Variants in MAPRE2 observed in about 807,000 individuals in gnomAD.
MAPRE2 encodes microtubule-associated protein RP/EB family member 2.
A neutral mutation model predicts 43.2 loss-of-function variants in MAPRE2; 13 were observed. The observed-to-expected ratio is 0.30, with a 90% CI of 0.20 to 0.48. The LOEUF is 0.48. MAPRE2 is among the 20% of genes least tolerant of loss of function. The pLI is 0.99. For missense variants in MAPRE2, 161 were observed against 400.2 expected (o/e 0.40, Z 5.10); for synonymous variants, 135 against 148.8 (o/e 0.91, Z 0.68).
At chr18:35,007,496 CTG>C (rs946476121) in intron 2 of MAPRE2, among the ~76,000 whole-genome samples, 11 of 152,234 alleles carry the variant, frequency 7.2e-5, no homozygotes, top group Admixed American at 3.9e-4. Flanking sequence ...TCAGTCTAAA[CTG>C]TTCAACTCAT....
intron 2 of MAPRE2, among the ~76,000 whole-genome samples, chr18:35,023,908 A>C (rs2097043491): frequency 6.6e-6 from 1 of 152,170 alleles, no homozygotes. Flanking sequence ...TCAAAATATA[A>C]CCATTTTACT....
At position 35,085,075 on chromosome 18, in the gene MAPRE2, A is replaced by G. The variant is rs372597874; in HGVS notation, c.251-12371A>G. ...GATTTTTGTTAGATTAGAATGATAC[A>G]GTTGAACTTTGGGATTTTAAATTCC... On this transcript the variant is annotated intron_variant, in intron 2 of 6. Transcript: ENST00000300249. 8.5e-4 allele frequency among the ~76,000 whole-genome samples: 129 copies of G among 152,360 alleles called. 1 individual carries two copies. The South Asian group carries it at 0.026, about 30-fold the overall frequency.
intron 4 of MAPRE2, among the ~76,000 whole-genome samples, chr18:35,108,586 C>T (rs964082107): frequency 6.6e-6 from 1 of 152,140 alleles, no homozygotes; most frequent in South Asian, 2.1e-4. Flanking sequence ...ACATTCCCAC[C>T]AACAGTGTAA....
intron 2 of MAPRE2, among the ~76,000 whole-genome samples, chr18:35,026,944 T>G (rs993231034): frequency 6.6e-6 from 1 of 152,214 alleles, no homozygotes; most frequent in Non-Finnish European, 1.5e-5. Context: ...CTTTGAAAGA[T>G]CTTAAGCTTT....
chr18:35,107,096 A>G (rs573170556), intron 4 of MAPRE2, among the ~76,000 whole-genome samples: 2 of 152,336 alleles, frequency 1.3e-5, no homozygotes, highest in South Asian at 4.1e-4. Flanking sequence ...AAACGCCCAT[A>G]TATAAATATA....
intron 1 of MAPRE2, among the ~76,000 whole-genome samples, chr18:35,060,145 G>A (rs1207045088): frequency 6.6e-5 from 10 of 152,230 alleles, no homozygotes; most frequent in South Asian, 2.1e-4. Flanking sequence ...GGCCCTGCTC[G>A]TTGGGGGCAG....
chr18:35,115,829 CAT>C (rs1491302124), intron 4 of MAPRE2, among the ~76,000 whole-genome samples: 6 of 152,176 alleles, frequency 3.9e-5, no homozygotes, highest in South Asian at 2.1e-4. Context: ...CTGCTATAAA[CAT>C]GTGTGTGCAT....
chr18:35,016,666 G>T (rs1324029079), intron 2 of MAPRE2, among the ~76,000 whole-genome samples: 2 of 151,786 alleles, frequency 1.3e-5, no homozygotes, highest in Non-Finnish European at 2.9e-5. Flanking sequence ...TTTTTTGCTT[G>T]TTCCGTTGCT....
intron 1 of MAPRE2, among the ~76,000 whole-genome samples, chr18:34,981,406 A>G (rs553527552): frequency 6.6e-6 from 1 of 151,966 alleles, no homozygotes; most frequent in Admixed American, 6.6e-5. Context: ...TAATCGGATT[A>G]CTCCATATTA....
chr18:34,997,740 C>G (rs1043921365), intron 1 of MAPRE2, among the ~76,000 whole-genome samples: 1 of 152,182 alleles, frequency 6.6e-6, no homozygotes, highest in Non-Finnish European at 1.5e-5. Context: ...CTCTTGAACC[C>G]AGAAGGCTGA....
At chr18:34,981,143 C>A (rs557262808) in intron 1 of MAPRE2, among the ~76,000 whole-genome samples, 1 of 151,420 alleles carries the variant, frequency 6.6e-6, no homozygotes, top group African/African-American at 2.4e-5. Context: ...GAGGCCGAGG[C>A]GGGTGAATCA....
rs2097019614 is a variant in MAPRE2 at position 34,985,351 on chromosome 18, A to ATATATAATATAATATATAATATATTATAT, written c.-70+8278_-70+8279insATATAATATATAATATATTATATTATATA. ...AATATAATATATAATATATTATATT[A>ATATATAATATAATATATAATATATTATAT]TATATATAATATAATATATAATATA... On this transcript the variant is annotated intron_variant, in intron 1 of 7. Transcript: ENST00000413393. Among the ~76,000 whole-genome samples, 2 of 44,570 alleles carry ATATATAATATAATATATAATATATTATAT rather than the reference A, an allele frequency of 4.5e-5. 1 individual carries two copies. The highest frequency in any genetic ancestry group is 7.2e-5 in the Non-Finnish European group (2 of 27,804). 29.2% of individuals were successfully genotyped at this position (44,570 alleles called of 152,430 possible).
chr18:34,982,411 T>C (rs2097016892), intron 1 of MAPRE2, among the ~76,000 whole-genome samples: 1 of 152,126 alleles, frequency 6.6e-6, no homozygotes, highest in African/African-American at 2.4e-5. Context: ...CACTTGACTG[T>C]CTCCCTCAAA....
rs1434471243 is a variant in MAPRE2 at position 35,143,031 on chromosome 18, G to A, written c.*2662G>A. 1.4e-5 allele frequency: 2 copies of A among 147,250 alleles called. No homozygotes were observed. Among genetic ancestry groups the A allele is most frequent in the Non-Finnish European group, 3.0e-5 (2 of 67,216 alleles). 9.1% of individuals were successfully genotyped at this position (147,250 alleles called of 1,614,324 possible). ...AGATAGGAAGTGATCGAAGCAGGGG[G>A]CAAAGAGAAAGCCCATATTTGTTCT... is the stretch of plus-strand genomic sequence containing the variant. On this transcript the variant is annotated 3_prime_UTR_variant, in exon 7 of 7. Coordinates refer to ENST00000300249, the MANE Select transcript of MAPRE2 (RefSeq NM_014268.4).
In MAPRE2 at chr18:35,078,371, A is replaced by G. The variant is rs374801933; in HGVS notation, c.250+8049A>G. On this transcript the variant is annotated intron_variant, in intron 2 of 6. Transcript: ENST00000300249. ...ATAGCTCTGATTATCTTAACCGGTTACATACTATATAGTTTTATACATTAG... is the reference window on the plus strand; with the variant it reads ...ATAGCTCTGATTATCTTAACCGGTTGCATACTATATAGTTTTATACATTAG... 2.6e-4 allele frequency among the ~76,000 whole-genome samples: 39 copies of G among 152,348 alleles called. No homozygotes were observed. The Middle Eastern group carries it at 0.014, about 53-fold the overall frequency.
intron 1 of MAPRE2, among the ~76,000 whole-genome samples, chr18:34,982,663 A>G (rs950717475): frequency 6.6e-6 from 1 of 152,346 alleles, no homozygotes. Context: ...AGCTTTATAG[A>G]ATAGAATTAA....
intron 1 of MAPRE2, among the ~76,000 whole-genome samples, chr18:35,064,292 C>T (rs477446): frequency 0.74 from 112,029 of 151,794 alleles, 42,547 homozygotes; most frequent in African/African-American, 0.93. Flanking sequence ...GGGACAACAA[C>T]TGGCCTATCA....
At chr18:35,033,791 G>A (rs1299309358) in intron 2 of MAPRE2, among the ~76,000 whole-genome samples, 3 of 149,734 alleles carry the variant, frequency 2.0e-5, no homozygotes, top group East Asian at 4.0e-4. Context: ...AAATACCTAG[G>A]AATCCAACTT....
upstream of MAPRE2, among the ~76,000 whole-genome samples, chr18:35,040,075 C>T (rs906574496): frequency 8.5e-5 from 13 of 152,278 alleles, no homozygotes; most frequent in African/African-American, 2.6e-4. Flanking sequence ...TGGCGGCGTG[C>T]GCCTGTTATC....
Sources: allele counts gnomAD v4.1 joint callset (sites outside exome capture counted in the v4.1 genomes callset), GRCh38; gene constraint gnomAD v4.1.1; transcripts MANE v1.5; gene names NCBI Gene and HGNC (gene_info 2026-07-23, HGNC 2026-07-21).